Variants in SPMIP1 observed in about 807,000 individuals in gnomAD.
SPMIP1 encodes protein SPMIP1.
the SPMIP1 span, chr7:128,866,827 C>A: frequency 6.5e-7 from 1 of 1,531,506 alleles, no homozygotes. Context: ...TGGCTGGCAG[C>A]TGGGTGAGCC....
chr7:128,867,096 G>T, the SPMIP1 span, among the ~76,000 whole-genome samples: 2 of 152,232 alleles, frequency 1.3e-5, no homozygotes, highest in Admixed American at 6.5e-5. Context: ...TATTTGTTGT[G>T]CAGGGAAGCT....
At chr7:128,866,337 G>A in the SPMIP1 span, 77 of 1,270,182 alleles carry the variant, frequency 6.1e-5, 1 homozygote, top group Middle Eastern at 2.0e-4. Flanking sequence ...GCCACTCGCC[G>A]TCAGAAGCAC....
the SPMIP1 span, among the ~76,000 whole-genome samples, chr7:128,867,806 G>A: frequency 9.2e-5 from 14 of 152,086 alleles, no homozygotes; most frequent in African/African-American, 2.9e-4. Flanking sequence ...TGCTGACCTC[G>A]TAATCTGCCT....
chr7:128,868,753 A>G, the SPMIP1 span: 1 of 1,535,118 alleles, frequency 6.5e-7, no homozygotes, highest in Non-Finnish European at 8.7e-7. Context: ...GCACTGCTTG[A>G]TCCCCGAGAC....
At chr7:128,866,928 A>C in the SPMIP1 span, 1 of 1,219,120 alleles carries the variant, frequency 8.2e-7, no homozygotes, top group Non-Finnish European at 1.1e-6. Flanking sequence ...TAAACAGAGC[A>C]AGGAGATGGC....
the SPMIP1 span, among the ~76,000 whole-genome samples, chr7:128,867,255 G>T: frequency 2.0e-5 from 3 of 152,188 alleles, no homozygotes; most frequent in African/African-American, 7.2e-5. Context: ...CTGTGGTAGT[G>T]GCCTGAGGGA....
chr7:128,866,592 ACT>A, the SPMIP1 span: 3 of 796,004 alleles, frequency 3.8e-6, no homozygotes, highest in Non-Finnish European at 5.1e-6. Flanking sequence ...CCAAAGCCCC[ACT>A]CTCACCCCCA....
chr7:128,867,912 T>C, the SPMIP1 span, among the ~76,000 whole-genome samples: 66 of 152,154 alleles, frequency 4.3e-4, no homozygotes, highest in Non-Finnish European at 6.9e-4. Context: ...GGAGCTCAAG[T>C]TGCTGGAATC....
the SPMIP1 span, chr7:128,869,475 G>C: frequency 0.097 from 14,809 of 152,388 alleles, 764 homozygotes; most frequent in East Asian, 0.11. Flanking sequence ...GCCGGACTGG[G>C]CGGGAGCCCC....
the SPMIP1 span, among the ~76,000 whole-genome samples, chr7:128,867,841 A>AT: frequency 6.6e-6 from 1 of 152,128 alleles, no homozygotes; most frequent in Non-Finnish European, 1.5e-5. Context: ...AAGTTCTGGG[A>AT]TTACAGGCAT....
the SPMIP1 span, chr7:128,866,664 G>A: frequency 6.4e-5 from 98 of 1,521,420 alleles, 1 homozygote; most frequent in South Asian, 8.5e-4. Flanking sequence ...CGCCTTTTCA[G>A]TCGGAAATGT....
At chr7:128,868,992 G>T in the SPMIP1 span, 1 of 471,338 alleles carries the variant, frequency 2.1e-6, no homozygotes, top group East Asian at 3.1e-5. Context: ...ATGACCAGAG[G>T]GTGCTGGGAA....
At chr7:128,866,591 C>CCCAA in the SPMIP1 span, 2 of 1,532,526 alleles carry the variant, frequency 1.3e-6, no homozygotes, top group Non-Finnish European at 1.7e-6. Context: ...CCCAAAGCCC[C>CCCAA]ACTCTCACCC....
chr7:128,870,302 C>T, the SPMIP1 span: 1 of 149,756 alleles, frequency 6.7e-6, no homozygotes, highest in Non-Finnish European at 1.5e-5. Context: ...ATTGCCTTCC[C>T]AAGACCGCAG....
At chr7:128,868,336 G>A in the SPMIP1 span, among the ~76,000 whole-genome samples, 34 of 152,332 alleles carry the variant, frequency 2.2e-4, 1 homozygote, top group East Asian at 2.1e-3. Context: ...AGCAGGAGGC[G>A]AGCCCTAGAA....
the SPMIP1 span, chr7:128,866,793 C>T: frequency 1.9e-3 from 2,860 of 1,535,706 alleles, 6 homozygotes; most frequent in Non-Finnish European, 2.2e-3. Context: ...GATACCTCTT[C>T]CCCATCACCA....
At chr7:128,869,927 G>A in the SPMIP1 span, 1 of 124,130 alleles carries the variant, frequency 8.1e-6, no homozygotes, top group East Asian at 4.2e-4. Context: ...GCCCCGGAGA[G>A]CCCCGAGGAG....
the SPMIP1 span, among the ~76,000 whole-genome samples, chr7:128,867,760 C>T: frequency 2.0e-5 from 3 of 152,104 alleles, no homozygotes; most frequent in Admixed American, 6.5e-5. Flanking sequence ...TTAGTAGAGA[C>T]AGGGTTTCAC....
chr7:128,866,958 C>A, the SPMIP1 span: 1 of 932,888 alleles, frequency 1.1e-6, no homozygotes, highest in Non-Finnish European at 1.6e-6. Context: ...TCGACACGTT[C>A]CACAGAACTA....
Sources: allele counts gnomAD v4.1 joint callset (sites outside exome capture counted in the v4.1 genomes callset), GRCh38; gene constraint gnomAD v4.1.1; transcripts MANE v1.5; gene names NCBI Gene and HGNC (gene_info 2026-07-23, HGNC 2026-07-21).